LEPR: variants seen among roughly 807,000 people sequenced by gnomAD.
LEPR encodes leptin receptor.
LEPR carries 56 observed loss-of-function variants against 114.7 expected under a neutral mutation model. That is an observed-to-expected ratio of 0.49 (90% CI 0.39 to 0.61). The LOEUF is 0.61. Ranked by LOEUF, LEPR falls within the 20% of genes least tolerant of loss-of-function variation. LEPR has a pLI of 0.00. For missense variants in LEPR, 1,202 were observed against 1,352.9 expected, an observed-to-expected ratio of 0.89 and a Z score of 1.75; for synonymous variants, 443 against 461.4, an observed-to-expected ratio of 0.96 and a Z score of 0.51.
rs116571599 is a variant in LEPR at position 65,565,531 on chromosome 1, A to T, written c.-20-15A>T. 6.5e-3 allele frequency: 10,479 copies of T among 1,613,526 alleles called. 43 individuals carry two copies. The highest frequency in any genetic ancestry group is 7.7e-3 in the Non-Finnish European group (9,111 of 1,179,702). ...GTTTTTGTGTGTGTTCTGATTTTAG[A>T]TTTACCTTTTCCAGGTGTACTTCTC... On this transcript the variant is annotated splice_polypyrimidine_tract_variant and intron_variant, in intron 2 of 19. Transcript: ENST00000349533.
chr1:65,578,661 A>G (rs1172855044), intron 5 of LEPR, among the ~76,000 whole-genome samples: 1 of 152,232 alleles, frequency 6.6e-6, no homozygotes, highest in African/African-American at 2.4e-5. Flanking sequence ...CTCACATTCA[A>G]TCACTGTTTC....
chr1:65,598,095 CT>C lies in LEPR; in HGVS notation c.850-545del, dbSNP rs1226626771. ...CTAGGCTCAAGTGATCCTCCTGCCT[CT>C]TTTTTTTTTTTTTTTTTTTAAGAGA... On this transcript the variant is annotated intron_variant, in intron 7 of 19. Coordinates refer to ENST00000349533, the MANE Select transcript of LEPR (RefSeq NM_002303.6). 1.4e-3 allele frequency among the ~76,000 whole-genome samples: 138 copies of C among 101,474 alleles called. 1 individual carries two copies. The highest frequency in any genetic ancestry group is 2.2e-3 in the South Asian group (6 of 2,782). 66.6% of individuals were successfully genotyped at this position (101,474 alleles called of 152,430 possible).
Position 65,458,025 on chromosome 1 carries a change from T to C in LEPR, c.-21+32647T>C, listed in dbSNP as rs200846749. Among the ~76,000 whole-genome samples, 31 of 152,314 alleles carry C rather than the reference T, an allele frequency of 2.0e-4. No individual in the cohort carries two copies. The East Asian group carries it at 5.6e-3, about 27-fold the overall frequency. On this transcript the variant is annotated intron_variant, in intron 2 of 19. Coordinates refer to ENST00000349533, the MANE Select transcript of LEPR (RefSeq NM_002303.6). ...AAAGTTGAGGCCTATAAAACTTACA[T>C]GGCAAGCAATTTGAAATGTGCCAAC...
intron 2 of LEPR, chr1:65,434,696 C>T: frequency 1.0e-6 from 1 of 985,400 alleles, no homozygotes; most frequent in Non-Finnish European, 1.2e-6. Context: ...TTTAATTTTT[C>T]CACTCATTTT....
rs867945707 is a variant in LEPR, at chr1:65,558,551, T to G, written c.-20-6995T>G. On this transcript the variant is annotated intron_variant, in intron 2 of 19. Coordinates refer to ENST00000349533, the MANE Select transcript of LEPR (RefSeq NM_002303.6). ...GTTTTTTTTTTTGTTTTTTTTTTGTTTTTTTTTTTTTTTATACTTTAAGTT... is the reference window on the plus strand; with the variant it reads ...GTTTTTTTTTTTGTTTTTTTTTTGTGTTTTTTTTTTTTTATACTTTAAGTT... Among the ~76,000 whole-genome samples the G allele has an allele frequency of 4.7e-4, 25 of 53,204 alleles. 3 individuals carry two copies. Among genetic ancestry groups the G allele is most frequent in the Non-Finnish European group, 7.8e-4 (18 of 23,154 alleles). The allele number at this position is 53,204 out of a possible 152,430, so 34.9% of individuals were successfully genotyped here. A position where few individuals can be genotyped will look rare whatever the true frequency, so the allele number is the denominator to read the frequency against.
chr1:65,422,891 T>G (rs1255150034), intron 1 of LEPR, among the ~76,000 whole-genome samples: 1 of 152,092 alleles, frequency 6.6e-6, no homozygotes, highest in African/African-American at 2.4e-5. Context: ...ATATATATAG[T>G]TGAAAGATCA....
intron 2 of LEPR, among the ~76,000 whole-genome samples, chr1:65,449,385 C>G (rs905829203): frequency 6.6e-6 from 1 of 151,674 alleles, no homozygotes; most frequent in Non-Finnish European, 1.5e-5. Context: ...AAGGGCTAAG[C>G]CTCAGGTGGG....
At chr1:65,516,617 G>C (rs1009282312) in intron 2 of LEPR, among the ~76,000 whole-genome samples, 7 of 152,104 alleles carry the variant, frequency 4.6e-5, no homozygotes, top group African/African-American at 1.7e-4. Flanking sequence ...TATGTAAAAG[G>C]TTTTCTCTTC....
rs374995123 is a variant in LEPR, at chr1:65,636,363, A to G, written c.2846A>G (p.Glu949Gly). The G allele has an allele frequency of 5.0e-6, 8 of 1,614,110 alleles. No homozygotes were observed. The African/African-American group carries it at 8.0e-5, about 16-fold the overall frequency. The change falls in exon 20 of 20, where the codon GAA becomes GGA. Residue 949 changes from glutamate to glycine, a missense_variant. Glu to Gly is a moderately conservative substitution (Grantham distance 98, BLOSUM62 -2). Transcript: ENST00000349533. Reference protein sequence around the residue: ...VVSLLSTTDLEKGSVCISDQF... With the variant: ...VVSLLSTTDLGKGSVCISDQF... ...TCTCTACTTTCAACAACAGATCTTG[A>G]AAAGGGTTCTGTTTGTATTAGTGAC...
At chr1:65,467,953 C>T (rs915985263) in intron 2 of LEPR, among the ~76,000 whole-genome samples, 4 of 152,188 alleles carry the variant, frequency 2.6e-5, no homozygotes, top group African/African-American at 7.2e-5. Context: ...TCATGGTTTC[C>T]CTTGGCTAGG....
chr1:65,490,556 C>G (rs968600064), intron 2 of LEPR, among the ~76,000 whole-genome samples: 1 of 152,008 alleles, frequency 6.6e-6, no homozygotes, highest in Non-Finnish European at 1.5e-5. Flanking sequence ...AACTTTTCCC[C>G]GTTCAATCCT....
At chr1:65,440,772 G>C (rs760663596) in intron 2 of LEPR, among the ~76,000 whole-genome samples, 9 of 152,164 alleles carry the variant, frequency 5.9e-5, no homozygotes, top group Non-Finnish European at 1.3e-4. Context: ...TTCATTTAGA[G>C]ATGAGACGCC....
At chr1:65,604,755 C>T (rs1216188056) in intron 10 of LEPR, among the ~76,000 whole-genome samples, 3 of 152,192 alleles carry the variant, frequency 2.0e-5, no homozygotes, top group Non-Finnish European at 4.4e-5. Flanking sequence ...CCTGTCAGAT[C>T]AGCGCAGCAT....
intron 9 of LEPR, 34 bp downstream of exon 9, chr1:65,601,716 A>G: frequency 6.2e-7 from 1 of 1,612,908 alleles, no homozygotes; most frequent in Non-Finnish European, 8.5e-7. Context: ...ATTTTGTTCC[A>G]CAACTTGAAT....
intron 2 of LEPR, among the ~76,000 whole-genome samples, chr1:65,453,176 C>A (rs1408766954): frequency 6.6e-6 from 1 of 151,660 alleles, no homozygotes; most frequent in African/African-American, 2.4e-5. Context: ...CTCTTTTTTT[C>A]TTTATTAGTC....
chr1:65,596,672 T>G, intron 7 of LEPR, 79 bp downstream of exon 7: 3 of 1,255,744 alleles, frequency 2.4e-6, no homozygotes, highest in Admixed American at 1.9e-5. Context: ...AATTACCCTC[T>G]GCATACTAAA....
At chr1:65,440,471 G>A (rs1052992289) in intron 2 of LEPR, among the ~76,000 whole-genome samples, 1 of 152,082 alleles carries the variant, frequency 6.6e-6, no homozygotes, top group Admixed American at 6.5e-5. Flanking sequence ...TGTAGAATAT[G>A]TGTGAGTGTG....
intron 2 of LEPR, among the ~76,000 whole-genome samples, chr1:65,448,059 G>A (rs1557596171): frequency 1.3e-5 from 2 of 152,086 alleles, no homozygotes; most frequent in Non-Finnish European, 2.9e-5. Context: ...ATATGATGTT[G>A]AAAAGGAGTG....
At chr1:65,548,505 A>T (rs574131464) in intron 2 of LEPR, among the ~76,000 whole-genome samples, 2 of 152,234 alleles carry the variant, frequency 1.3e-5, no homozygotes, top group Admixed American at 1.3e-4. Flanking sequence ...TATTGGGTGC[A>T]TATATATTTA....
Sources: allele counts gnomAD v4.1 joint callset (sites outside exome capture counted in the v4.1 genomes callset), GRCh38; gene constraint gnomAD v4.1.1; transcripts MANE v1.5; gene names NCBI Gene and HGNC (gene_info 2026-07-23, HGNC 2026-07-21).